Variants in ALOX5 observed in about 807,000 individuals in gnomAD.
ALOX5 encodes arachidonate 5-lipoxygenase, also known as polyunsaturated fatty acid 5-lipoxygenase.
Under a neutral mutation model 87.9 loss-of-function variants are expected in ALOX5, and 64 were observed. The observed-to-expected ratio is 0.73, with a 90% CI of 0.60 to 0.90. The LOEUF is 0.90. Ranked by LOEUF, ALOX5 falls within the 40% of genes least tolerant of loss-of-function variation. The pLI is 0.00. For synonymous variants in ALOX5, 388 were observed against 355.1 expected (o/e 1.09, Z -1.04); for missense variants, 822 against 907.5 (o/e 0.91, Z 1.21).
intron 3 of ALOX5, among the ~76,000 whole-genome samples, chr10:45,397,661 C>A (rs1840559999): frequency 6.6e-6 from 1 of 151,670 alleles, no homozygotes; most frequent in South Asian, 2.1e-4. Flanking sequence ...ACCAAGATTG[C>A]AAGATACAAG....
At chr10:45,431,716 G>A (rs1413701534) in intron 7 of ALOX5, among the ~76,000 whole-genome samples, 2 of 151,978 alleles carry the variant, frequency 1.3e-5, no homozygotes, top group Admixed American at 6.6e-5. Flanking sequence ...GGGATTACAG[G>A]CACCTGCCAC....
At chr10:45,404,902 T>G (rs1044012215) in intron 3 of ALOX5, among the ~76,000 whole-genome samples, 4 of 152,226 alleles carry the variant, frequency 2.6e-5, no homozygotes, top group African/African-American at 9.6e-5. Flanking sequence ...GTTTCTGAGA[T>G]TCACTGTTTC....
rs557537236 is a variant in ALOX5 at position 45,439,418 on chromosome 10, C to T, written c.982-1012C>T. Among the ~76,000 whole-genome samples the T allele has an allele frequency of 7.9e-4, 120 of 152,320 alleles. 1 individual carries two copies. Among genetic ancestry groups the T allele is most frequent in the African/African-American group, 2.6e-3 (108 of 41,572 alleles). ...AAGTCTGGCCATGCCCCTTCCTGGCCGCTCTTGGCTGCAGCCCTGCCACCC... is the reference window on the plus strand; with the variant it reads ...AAGTCTGGCCATGCCCCTTCCTGGCTGCTCTTGGCTGCAGCCCTGCCACCC... On this transcript the variant is annotated intron_variant, in intron 7 of 13. Transcript: ENST00000374391.
chr10:45,443,965 C>A, intron 12 of ALOX5, 137 bp downstream of exon 12: 1 of 1,434,282 alleles, frequency 7.0e-7, no homozygotes. Flanking sequence ...GGATTCTGCC[C>A]GCTCAGCCAA....
rs1015599331 is a variant in ALOX5 at position 45,441,576 on chromosome 10, G to C, written c.1272+146G>C. The C allele has an allele frequency of 6.0e-5, 45 of 744,278 alleles. 1 individual carries two copies. The highest frequency in any genetic ancestry group is 9.7e-5 in the Non-Finnish European group (44 of 455,900). 46.1% of individuals were successfully genotyped at this position (744,278 alleles called of 1,614,324 possible). A position where few individuals can be genotyped will look rare whatever the true frequency, so the allele number is the denominator to read the frequency against. On this transcript the variant is annotated intron_variant, in intron 9 of 13. Transcript: ENST00000374391. ...AGAGCACTGGCTCCAGCATCCTCCT[G>C]ATGTCTCCAGCCCGTGCCATTCAGC...
chr10:45,393,806 C>T (rs1053468431), intron 2 of ALOX5, among the ~76,000 whole-genome samples: 2 of 152,078 alleles, frequency 1.3e-5, no homozygotes, highest in Non-Finnish European at 2.9e-5. Context: ...TCTTATACAC[C>T]AATAACAGAC....
intron 1 of ALOX5, among the ~76,000 whole-genome samples, chr10:45,382,227 T>G (rs1326476704): frequency 6.6e-6 from 1 of 152,246 alleles, no homozygotes; most frequent in Non-Finnish European, 1.5e-5. Flanking sequence ...TGGCTTCAAC[T>G]TCCCAACCTT....
Position 45,412,173 on chromosome 10 carries a change from C to A in ALOX5, c.432-18C>A. Reference sequence around the variant, plus strand: ...AGGCTGGCATTTAACTCAATTTCTTCTCCTTTCTCATGCTCAGATGGATGG... The same window carrying A: ...AGGCTGGCATTTAACTCAATTTCTTATCCTTTCTCATGCTCAGATGGATGG... On this transcript the variant is annotated intron_variant, in intron 3 of 13. Transcript: ENST00000374391. 6.2e-7 allele frequency: 1 copy of A among 1,613,992 alleles called. No homozygotes were observed. The highest frequency in any genetic ancestry group is 2.2e-5 in the East Asian group (1 of 44,884).
chr10:45,405,967 G>T (rs1457699272), intron 3 of ALOX5, among the ~76,000 whole-genome samples: 1 of 152,126 alleles, frequency 6.6e-6, no homozygotes, highest in Non-Finnish European at 1.5e-5. Context: ...TCCTGACTTG[G>T]ATGACAGGGA....
chr10:45,445,895 C>A lies in ALOX5; in HGVS notation c.*208C>A, dbSNP rs781539261. The A allele has an allele frequency of 3.5e-6, 2 of 564,862 alleles. No homozygotes were observed. Among genetic ancestry groups the A allele is most frequent in the African/African-American group, 1.9e-5 (1 of 53,462 alleles). The allele number at this position is 564,862 out of a possible 1,614,324, so 35.0% of individuals were successfully genotyped here. A position where few individuals can be genotyped will look rare whatever the true frequency, so the allele number is the denominator to read the frequency against. On this transcript the variant is annotated 3_prime_UTR_variant, in exon 14 of 14. Transcript: ENST00000374391. Reference sequence around the variant, plus strand: ...GGGACCCATTCTACACAGAGCAGGACTGCACAGCGTCCTGTCCACACCCAG... The same window carrying A: ...GGGACCCATTCTACACAGAGCAGGAATGCACAGCGTCCTGTCCACACCCAG...
chr10:45,393,263 G>A (rs1382099630), intron 2 of ALOX5, among the ~76,000 whole-genome samples: 1 of 152,226 alleles, frequency 6.6e-6, no homozygotes, highest in Admixed American at 6.5e-5. Flanking sequence ...CCAGGATCAA[G>A]TGGGCATCAT....
intron 3 of ALOX5, among the ~76,000 whole-genome samples, chr10:45,404,075 C>T (rs989542340): frequency 6.6e-6 from 1 of 152,182 alleles, no homozygotes; most frequent in African/African-American, 2.4e-5. Context: ...ACAAACTAGC[C>T]CAATTATCTG....
chr10:45,375,504 C>G (rs756454311), intron 1 of ALOX5, among the ~76,000 whole-genome samples: 1 of 152,210 alleles, frequency 6.6e-6, no homozygotes, highest in African/African-American at 2.4e-5. Context: ...TAGACTTTAC[C>G]AAGCTGCCTT....
intron 3 of ALOX5, among the ~76,000 whole-genome samples, chr10:45,409,873 A>T (rs1009045353): frequency 3.9e-5 from 6 of 152,244 alleles, no homozygotes; most frequent in African/African-American, 1.4e-4. Context: ...CTAGCAAGCA[A>T]GCTGTCCTGT....
intron 6 of ALOX5, among the ~76,000 whole-genome samples, chr10:45,427,950 C>A (rs1841781897): frequency 6.6e-6 from 1 of 152,166 alleles, no homozygotes; most frequent in African/African-American, 2.4e-5. Flanking sequence ...CAGGGCACAA[C>A]ACGCCAACCC....
chr10:45,403,810 T>G (rs1840784317), intron 3 of ALOX5, among the ~76,000 whole-genome samples: 1 of 152,194 alleles, frequency 6.6e-6, no homozygotes, highest in Non-Finnish European at 1.5e-5. Flanking sequence ...CCTGGTGCAG[T>G]GCACACGTTG....
intron 3 of ALOX5, among the ~76,000 whole-genome samples, chr10:45,403,080 A>G (rs900549561): frequency 6.6e-6 from 1 of 152,216 alleles, no homozygotes; most frequent in African/African-American, 2.4e-5. Context: ...CGTGGAAAAC[A>G]ATTTAGCAAT....
intron 4 of ALOX5, among the ~76,000 whole-genome samples, chr10:45,417,794 C>T (rs529479890): frequency 6.6e-6 from 1 of 152,308 alleles, no homozygotes; most frequent in African/African-American, 2.4e-5. Flanking sequence ...CAGGGCTTTG[C>T]AGAGCATCTC....
intron 3 of ALOX5, among the ~76,000 whole-genome samples, chr10:45,396,718 C>T (rs1226108416): frequency 6.6e-6 from 1 of 152,196 alleles, no homozygotes; most frequent in Non-Finnish European, 1.5e-5. Flanking sequence ...CTTCCCAATT[C>T]ATTGTCTCAT....
Sources: allele counts gnomAD v4.1 joint callset (sites outside exome capture counted in the v4.1 genomes callset), GRCh38; gene constraint gnomAD v4.1.1; transcripts MANE v1.5; gene names NCBI Gene and HGNC (gene_info 2026-07-23, HGNC 2026-07-21).